The following IQCH variants were observed in gnomAD, a reference collection of about 807,000 sequenced individuals.
IQCH encodes IQ motif containing H, also known as IQ domain-containing protein H.
In IQCH, 98 loss-of-function variants were observed where a neutral mutation model predicts 117.0. The ratio of observed to expected loss-of-function variants is 0.84; its 90% confidence interval spans 0.71 to 0.99. The LOEUF (loss-of-function observed/expected upper bound fraction) is 0.99. Among genes scored for constraint, IQCH ranks in the 50% least tolerant of loss-of-function variants. IQCH has a pLI of 0.00. For synonymous variants in IQCH, 412 were observed against 448.2 expected (o/e 0.92, Z 1.02); for missense variants, 1,102 against 1,243.8 (o/e 0.89, Z 1.72).
intron 4 of IQCH, among the ~76,000 whole-genome samples, chr15:67,289,364 G>C (rs1408789464): frequency 6.6e-6 from 1 of 152,058 alleles, no homozygotes; most frequent in Admixed American, 6.6e-5. Flanking sequence ...AGATGATGAA[G>C]GTCTGAATTA....
intron 14 of IQCH, among the ~76,000 whole-genome samples, chr15:67,414,826 C>T (rs1337649917): frequency 6.6e-6 from 1 of 152,008 alleles, no homozygotes; most frequent in Non-Finnish European, 1.5e-5. Context: ...ATGTGTATAA[C>T]TGAGTAGATG....
intron 10 of IQCH, among the ~76,000 whole-genome samples, chr15:67,374,780 T>G (rs1970681394): frequency 6.6e-6 from 1 of 152,320 alleles, no homozygotes; most frequent in South Asian, 2.1e-4. Context: ...CACACAGAAA[T>G]TGCACTTGTA....
Position 67,381,450 on chromosome 15 carries a change from G to A in IQCH, c.1373-3486G>A, listed in dbSNP as rs367559049. Among the ~76,000 whole-genome samples the A allele has an allele frequency of 3.3e-5, 5 of 152,236 alleles. No individual in the cohort carries two copies. The highest frequency in any genetic ancestry group is 4.2e-4 in the South Asian group (2 of 4,818). ...CTCTATCAAACTAGGAATATTTTGCGGGAAATGAGAATGGCCATAAGAAAA... is the reference window on the plus strand; with the variant it reads ...CTCTATCAAACTAGGAATATTTTGCAGGAAATGAGAATGGCCATAAGAAAA... On this transcript the variant is annotated intron_variant, in intron 10 of 20. Coordinates refer to ENST00000335894, the MANE Select transcript of IQCH (RefSeq NM_001031715.3). The surrounding 1 kb of genome is among the most constrained non-coding windows in gnomAD (Gnocchi z 5.1).
intron 16 of IQCH, among the ~76,000 whole-genome samples, chr15:67,437,796 A>G (rs2082173868): frequency 1.3e-5 from 2 of 152,206 alleles, no homozygotes; most frequent in Non-Finnish European, 2.9e-5. Flanking sequence ...AGAAGAAAGA[A>G]ATTCAGAGCT....
chr15:67,452,368 G>A (rs886499944), intron 16 of IQCH, among the ~76,000 whole-genome samples: 1 of 152,158 alleles, frequency 6.6e-6, no homozygotes, highest in African/African-American at 2.4e-5. Flanking sequence ...GGTACTGGTT[G>A]TTCCTTTCCA....
In IQCH at chr15:67,370,895, C is replaced by T. The variant is rs1054121043; in HGVS notation, c.754-1216C>T. Among the ~76,000 whole-genome samples the T allele has an allele frequency of 1.3e-5, 2 of 150,318 alleles. No individual in the cohort carries two copies. The highest frequency in any genetic ancestry group is 4.9e-5 in the African/African-American group (2 of 40,918). On this transcript the variant is annotated intron_variant, in intron 8 of 20. Transcript: ENST00000335894. The surrounding 1 kb of genome is among the most constrained non-coding windows in gnomAD (Gnocchi z 5.6). The stretch of plus-strand genomic sequence containing the variant: ...CGGCCCAGGACCGGAGAAAAGAAAA[C>T]GCGTGAATAATCTGATATAGTAATA...
Position 67,476,402 on chromosome 15 carries a change from A to G in IQCH, c.2799+584A>G, listed in dbSNP as rs1412823430. On this transcript the variant is annotated intron_variant, in intron 18 of 20. Transcript: ENST00000335894. The surrounding 1 kb of genome is among the most constrained non-coding windows in gnomAD (Gnocchi z 4.1). Reference sequence around the variant, plus strand: ...TCTGTTGTCTCTTTTACAAGGTACCAGTTCCGTCAATCAAAGCATCACACC... The same window carrying G: ...TCTGTTGTCTCTTTTACAAGGTACCGGTTCCGTCAATCAAAGCATCACACC... 6.6e-6 allele frequency among the ~76,000 whole-genome samples: 1 copy of G among 152,202 alleles called. No homozygotes were observed. Among genetic ancestry groups the G allele is most frequent in the Non-Finnish European group, 1.5e-5 (1 of 68,030 alleles).
In IQCH at chr15:67,356,174, A is replaced by G. The variant is rs1037417837; in HGVS notation, c.638-1171A>G. Among the ~76,000 whole-genome samples, 1 of 152,208 alleles carries G rather than the reference A, an allele frequency of 6.6e-6. No homozygotes were observed. The highest frequency in any genetic ancestry group is 1.5e-5 in the Non-Finnish European group (1 of 68,044). On this transcript the variant is annotated intron_variant, in intron 6 of 20. Coordinates refer to ENST00000335894, the MANE Select transcript of IQCH (RefSeq NM_001031715.3). The surrounding 1 kb of genome is among the most constrained non-coding windows in gnomAD (Gnocchi z 5.3). ...CTTCAGAAGTGGGAGAGCAAACTCC[A>G]AAGTGGACACCAGGGAAGGAGAGCA...
rs117447388 is a variant in IQCH, at chr15:67,402,487, C to T, written c.2097+2182C>T. 4.9e-4 allele frequency among the ~76,000 whole-genome samples: 74 copies of T among 152,252 alleles called. 1 individual carries two copies. In the East Asian group the frequency reaches 0.01, roughly 21 times the overall value. ...ATTCTCCTTTGTTCCAGAAGACCAT[C>T]GTAATGGTGCACATTTAGACATCAA... On this transcript the variant is annotated intron_variant, in intron 14 of 20. Coordinates refer to ENST00000335894, the MANE Select transcript of IQCH (RefSeq NM_001031715.3).
intron 4 of IQCH, among the ~76,000 whole-genome samples, chr15:67,320,069 T>TTAC (rs796201234): frequency 1.5e-4 from 23 of 152,314 alleles, no homozygotes; most frequent in African/African-American, 5.5e-4. Context: ...TCCACAGACT[T>TTAC]TACTGATACA....
chr15:67,437,303 G>A (rs978317834), intron 16 of IQCH, among the ~76,000 whole-genome samples: 1 of 152,148 alleles, frequency 6.6e-6, no homozygotes, highest in Admixed American at 6.5e-5. Context: ...CCAGAAGAGA[G>A]ACAACAATCA....
chr15:67,487,253 A>T lies in IQCH; in HGVS notation c.2800-2750A>T, dbSNP rs1020301535. On this transcript the variant is annotated intron_variant, in intron 18 of 20. Coordinates refer to ENST00000335894, the MANE Select transcript of IQCH (RefSeq NM_001031715.3). ...GAGGCTGAGAAAGGAGAATTGCTTG[A>T]ACCCAGGAGGTAGAGGTTGCAGTGA... 3.3e-5 allele frequency among the ~76,000 whole-genome samples: 5 copies of T among 152,288 alleles called. No individual in the cohort carries two copies. The East Asian group carries it at 9.6e-4, about 29-fold the overall frequency.
intron 3 of IQCH, among the ~76,000 whole-genome samples, chr15:67,267,866 T>C (rs1216556508): frequency 1.3e-5 from 2 of 152,304 alleles, no homozygotes; most frequent in East Asian, 3.9e-4. Context: ...TTAGAACAGA[T>C]ATGCAATAAT....
intron 1 of IQCH, among the ~76,000 whole-genome samples, chr15:67,259,689 T>A (rs1026885325): frequency 6.6e-6 from 1 of 152,248 alleles, no homozygotes; most frequent in Non-Finnish European, 1.5e-5. Context: ...GGAAAGTCAG[T>A]ACATTCAAAG....
rs1442009069 is a variant in IQCH, at chr15:67,432,055, A to G, written c.2505+10478A>G. Among the ~76,000 whole-genome samples, 2 of 152,180 alleles carry G rather than the reference A, an allele frequency of 1.3e-5. No individual in the cohort carries two copies. The highest frequency in any genetic ancestry group is 2.4e-5 in the African/African-American group (1 of 41,456). On this transcript the variant is annotated intron_variant, in intron 16 of 20. Coordinates refer to ENST00000335894, the MANE Select transcript of IQCH (RefSeq NM_001031715.3). This position sits in a 1 kb window ranked among gnomAD's most constrained non-coding sequence, Gnocchi z 5.0. ...ACCCTGTCTCAAAAATAAATAAATA[A>G]ATTAACTCTTATTTTAGATAATTGT...
At chr15:67,375,944 G>A (rs1016521494) in intron 10 of IQCH, among the ~76,000 whole-genome samples, 129 of 151,788 alleles carry the variant, frequency 8.5e-4, no homozygotes, top group Admixed American at 5.1e-3. Context: ...GTACCACCAT[G>A]CCTGGCTAAT....
rs201543259 is a variant in IQCH, at chr15:67,337,051, C to T, written c.464C>T (p.Pro155Leu). The T allele has an allele frequency of 5.0e-6, 8 of 1,613,538 alleles. No individual in the cohort carries two copies. The East Asian group carries it at 1.8e-4, about 36-fold the overall frequency. Residue 155 changes from proline to leucine, a missense_variant, in exon 5 of 21, where the codon CCC becomes CTC. This residue lies in a region of IQCH where 452 missense variants were observed against 449.6 expected (regional missense o/e 1.01). Transcript: ENST00000335894. ...TVLPSSHCTDPYFTPIPVLQA... is the reference protein window; with the variant it reads ...TVLPSSHCTDLYFTPIPVLQA... Reference sequence around the variant, plus strand: ...CTGCCATCTTCTCATTGCACAGATCCCTATTTCACTCCTATACCAGTCTTA... The same window carrying T: ...CTGCCATCTTCTCATTGCACAGATCTCTATTTCACTCCTATACCAGTCTTA...
chr15:67,314,589 A>G (rs1234088252), intron 4 of IQCH, among the ~76,000 whole-genome samples: 4 of 152,042 alleles, frequency 2.6e-5, no homozygotes, highest in Admixed American at 6.5e-5. Context: ...AAAATGTCCA[A>G]ATTGTTCTTA....
chr15:67,338,562 C>A (rs911120779), intron 5 of IQCH, among the ~76,000 whole-genome samples: 56 of 84,582 alleles, frequency 6.6e-4, no homozygotes, highest in African/African-American at 2.6e-3. Context: ...AGCCTCACCC[C>A]AGATCTACAC....
Sources: gnomAD v4.1 joint callset for allele counts (sites outside exome capture counted in the v4.1 genomes callset) on GRCh38, gnomAD v4.1.1 for gene constraint, gnomAD v4.1.1 regional missense constraint, Gnocchi (gnomAD v3.1) non-coding constraint, MANE v1.5 for transcripts, NCBI Gene and HGNC (gene_info 2026-07-23, HGNC 2026-07-21) for gene names.